The following ZNF112 variants were observed in gnomAD, a reference collection of about 807,000 sequenced individuals.
ZNF112 encodes the protein zinc finger protein 112 (Y14).
ZNF112 carries 37 observed loss-of-function variants against 77.7 expected under a neutral mutation model. The ratio of observed to expected loss-of-function variants is 0.48; its 90% CI spans 0.37 to 0.63. The LOEUF is 0.63. Ranked by LOEUF, ZNF112 falls within the 20% of genes least tolerant of loss-of-function variation. The pLI, the probability that ZNF112 is intolerant of heterozygous loss-of-function variation, is 0.00. For missense variants in ZNF112, 950 were observed against 1,077.4 expected (o/e 0.88, Z 1.66); for synonymous variants, 333 against 363.6 (o/e 0.92, Z 0.96).
At position 44,336,704 on chromosome 19, in the gene ZNF112, T is replaced by C. The variant is rs1970374575; in HGVS notation, c.139A>G (p.Lys47Glu). 6.2e-7 allele frequency: 1 copy of C among 1,613,982 alleles called. No individual in the cohort carries two copies. The highest frequency in any genetic ancestry group is 1.3e-5 in the African/African-American group (1 of 75,018). ...NLLLVAHQPF[K>E]PDLISQLERE... ...TCCAGCTGGGATATTAGGTCTGGCT[T>C]GAAGGGCTGATGTGCTGTAAAGAAG... Residue 47 changes from lysine to glutamate, a missense_variant, in exon 3 of 4, where the codon AAG becomes GAG. By Grantham distance (56) the Lys-to-Glu change is moderately conservative. This residue lies in a region of ZNF112 where 560 missense variants were observed against 557.3 expected (regional missense o/e 1.00). Transcript: ENST00000354340.
intron 2 of ZNF112, among the ~76,000 whole-genome samples, chr19:44,339,921 T>A (rs1435596110): frequency 4.0e-5 from 6 of 151,628 alleles, no homozygotes; most frequent in Non-Finnish European, 8.8e-5. Flanking sequence ...CTATATATAT[T>A]TTTTCATATA....
At chr19:44,364,946 T>C (rs1325458369) in intron 1 of ZNF112, among the ~76,000 whole-genome samples, 1 of 152,180 alleles carries the variant, frequency 6.6e-6, no homozygotes, top group African/African-American at 2.4e-5. Flanking sequence ...CCTTATAATT[T>C]CTTTGTCTTG....
In ZNF112 at chr19:44,328,446, C is replaced by T. The variant is rs754624905; in HGVS notation, c.1711G>A (p.Gly571Arg). The T allele has an allele frequency of 6.2e-7, 1 of 1,614,044 alleles. No homozygotes were observed. Among genetic ancestry groups the T allele is most frequent in the Non-Finnish European group, 8.5e-7 (1 of 1,179,988 alleles). The change falls in exon 4 of 4, where the codon GGA becomes AGA. Residue 571 changes from glycine (G) to arginine (R), a missense_variant. By Grantham distance (125) the Gly-to-Arg change is moderately radical (BLOSUM62 -2). Coordinates refer to ENST00000354340, the MANE Select transcript of ZNF112 (RefSeq NM_013380.4). Reference protein sequence around the residue: ...YLQAHQRVHTGEKPYKCEECG... With the variant: ...YLQAHQRVHTREKPYKCEECG... ...TCCTCACATTTATAAGGTTTTTCTCCAGTGTGGACTCTCTGATGGGCTTGA... is the reference window on the plus strand; with the variant it reads ...TCCTCACATTTATAAGGTTTTTCTCTAGTGTGGACTCTCTGATGGGCTTGA...
Position 44,328,249 on chromosome 19 carries a change from A to G in ZNF112, c.1908T>C (p.Cys636=), listed in dbSNP as rs1257617319. ...TGEKPFKCEE[C]GKGFSWSFNL... ...TAAAGCTCCAACTGAACCCCTTCCC[A>G]CATTCCTCACATTTGAATGGTTTTT... The change falls in exon 4 of 4, where the codon TGT becomes TGC. Residue 636 remains cysteine, a synonymous_variant. Coordinates refer to ENST00000354340, the MANE Select transcript of ZNF112 (RefSeq NM_013380.4). 11 of 1,613,870 alleles carry G rather than the reference A, an allele frequency of 6.8e-6. No individual in the cohort carries two copies. The highest frequency in any genetic ancestry group is 4.5e-5 in the East Asian group (2 of 44,868).
Position 44,328,023 on chromosome 19 carries a change from C to T in ZNF112, c.2134G>A (p.Glu712Lys). Reference protein sequence around the residue: ...LQSHQSVHSGERPYICEVCGK... With the variant: ...LQSHQSVHSGKRPYICEVCGK... Reference sequence around the variant, plus strand: ...CATACCTCACATATATATGGTCTTTCTCCAGAATGGACACTCTGATGACTC... The same window carrying T: ...CATACCTCACATATATATGGTCTTTTTCCAGAATGGACACTCTGATGACTC... The change falls in exon 4 of 4, where the codon GAA (glutamate) becomes AAA (lysine). Residue 712 changes from glutamate (E) to lysine (K), a missense_variant. By Grantham distance (56) the Glu-to-Lys change is moderately conservative. Around this residue, in one of 3 missense-constraint regions of ZNF112, gnomAD observed 373 missense variants for 482.8 expected, o/e 0.77. Transcript: ENST00000354340. 6.2e-7 allele frequency: 1 copy of T among 1,613,936 alleles called. No individual in the cohort carries two copies. Among genetic ancestry groups the T allele is most frequent in the Non-Finnish European group, 8.5e-7 (1 of 1,179,948 alleles).
chr19:44,354,463 T>C (rs1266323200), intron 1 of ZNF112, among the ~76,000 whole-genome samples: 1 of 152,204 alleles, frequency 6.6e-6, no homozygotes, highest in African/African-American at 2.4e-5. Context: ...ATTTGTTTCT[T>C]AGGAATTTTT....
At chr19:44,337,313 T>C (rs1051267892) in intron 2 of ZNF112, among the ~76,000 whole-genome samples, 1 of 101,838 alleles carries the variant, frequency 9.8e-6, no homozygotes, top group Non-Finnish European at 1.8e-5. Flanking sequence ...ATATATATTT[T>C]GTATATGTAT....
rs777177021 is a variant in ZNF112, at chr19:44,327,916, C to A, written c.2241G>T (p.Met747Ile). ...HTRVKPYKCE[M>I]CGKGFSQSSR... is the part of the protein sequence containing the mutation. ...AACTCTGACTAAAGCCCTTCCCACA[C>A]ATCTCACATTTATACGGTTTCACTC... The change falls in exon 4 of 4, where the codon ATG (methionine) becomes ATT (isoleucine). Residue 747 changes from methionine to isoleucine, a missense_variant. Coordinates refer to ENST00000354340, the MANE Select transcript of ZNF112 (RefSeq NM_013380.4). 1.2e-6 allele frequency: 2 copies of A among 1,612,744 alleles called. No individual in the cohort carries two copies. The highest frequency in any genetic ancestry group is 3.3e-5 in the Admixed American group (2 of 59,858).
intron 1 of ZNF112, among the ~76,000 whole-genome samples, chr19:44,344,423 A>C (rs549184942): frequency 6.6e-6 from 1 of 152,354 alleles, no homozygotes; most frequent in African/African-American, 2.4e-5. Flanking sequence ...GGTAAGGCAG[A>C]GCCTTCTAGC....
chr19:44,340,317 T>G, intron 2 of ZNF112, 99 bp downstream of exon 2: 1 of 1,513,718 alleles, frequency 6.6e-7, no homozygotes, highest in Non-Finnish European at 8.9e-7. Flanking sequence ...GCACCTAATC[T>G]CAGAGAATAA....
chr19:44,350,113 TAA>T (rs1970665635), intron 1 of ZNF112, among the ~76,000 whole-genome samples: 1 of 152,048 alleles, frequency 6.6e-6, no homozygotes, highest in African/African-American at 2.4e-5. Flanking sequence ...TTGATAGTGG[TAA>T]AAGATATGTT....
At chr19:44,354,205 A>T (rs1970743329) in intron 1 of ZNF112, among the ~76,000 whole-genome samples, 1 of 152,130 alleles carries the variant, frequency 6.6e-6, no homozygotes, top group African/African-American at 2.4e-5. Flanking sequence ...GCCAGTGGTT[A>T]CAGGTATGGT....
intron 3 of ZNF112, among the ~76,000 whole-genome samples, chr19:44,333,858 T>TG (rs1446882325): frequency 1.3e-5 from 2 of 152,076 alleles, no homozygotes; most frequent in African/African-American, 4.8e-5. Context: ...ACCAGAAAAG[T>TG]GGGGCATTGC....
chr19:44,363,640 T>C (rs1354413626), intron 1 of ZNF112, among the ~76,000 whole-genome samples: 1 of 152,248 alleles, frequency 6.6e-6, no homozygotes, highest in Non-Finnish European at 1.5e-5. Context: ...GAAGTGATGT[T>C]CTATTGTATG....
chr19:44,329,961 T>C (rs1412151587), intron 3 of ZNF112, 25 bp from the exon 4 acceptor site: 1 of 1,536,430 alleles, frequency 6.5e-7, no homozygotes, highest in African/African-American at 1.4e-5. Context: ...AGAATTCAGA[T>C]GTGCACGAGT....
At chr19:44,337,388 A>ATATATATAATATATATTT in intron 2 of ZNF112, among the ~76,000 whole-genome samples, 1 of 58,192 alleles carries the variant, frequency 1.7e-5, no homozygotes, top group South Asian at 5.0e-4. Flanking sequence ...ATATATAATA[A>ATATATATAATATATATTT]TATATATAAT....
At chr19:44,345,387 G>A (rs1267991888) in intron 1 of ZNF112, among the ~76,000 whole-genome samples, 1 of 152,174 alleles carries the variant, frequency 6.6e-6, no homozygotes, top group Non-Finnish European at 1.5e-5. Context: ...TCTTTTAAAT[G>A]ATGTTCTTGG....
intron 3 of ZNF112, among the ~76,000 whole-genome samples, chr19:44,330,556 T>C (rs1344356459): frequency 2.6e-5 from 4 of 152,082 alleles, no homozygotes; most frequent in Non-Finnish European, 5.9e-5. Flanking sequence ...GCCAACATGG[T>C]GAAACCCCAT....
Position 44,328,009 on chromosome 19 carries a change from T to C in ZNF112, c.2148A>G (p.Ile716Met), listed in dbSNP as rs1228909140. The C allele has an allele frequency of 6.2e-7, 1 of 1,612,992 alleles. No homozygotes were observed. Among genetic ancestry groups the C allele is most frequent in the Non-Finnish European group, 8.5e-7 (1 of 1,179,800 alleles). The change falls in exon 4 of 4, where the codon ATA becomes ATG. Residue 716 changes from isoleucine to methionine, a missense_variant. Around this residue, in one of 3 missense-constraint regions of ZNF112, gnomAD observed 373 missense variants for 482.8 expected, o/e 0.77. Coordinates refer to ENST00000354340, the MANE Select transcript of ZNF112 (RefSeq NM_013380.4). ...QSVHSGERPY[I>M]CEVCGKGFSQ... ...TGAAGCCCTTTCCACATACCTCACA[T>C]ATATATGGTCTTTCTCCAGAATGGA...
Sources: allele counts gnomAD v4.1 joint callset (sites outside exome capture counted in the v4.1 genomes callset), GRCh38; gene constraint gnomAD v4.1.1; regional missense constraint gnomAD v4.1.1; transcripts MANE v1.5; gene names NCBI Gene and HGNC (gene_info 2026-07-23, HGNC 2026-07-21).